SRGAP3: variants seen among roughly 807,000 people sequenced by gnomAD.
SRGAP3 encodes SLIT-ROBO Rho GTPase activating protein 3, also known as SLIT-ROBO Rho GTPase-activating protein 3.
Under a neutral mutation model 121.1 loss-of-function variants are expected in SRGAP3, and 39 were observed. The observed-to-expected ratio is 0.32, with a 90% CI of 0.25 to 0.42. SRGAP3 has a LOEUF of 0.42. SRGAP3 is among the 10% of genes least tolerant of loss of function. SRGAP3 has a pLI of 1.00. For synonymous variants in SRGAP3, 601 were observed against 570.0 expected (o/e 1.05, Z -0.77); for missense variants, 1,213 against 1,470.6 (o/e 0.82, Z 2.86).
At chr3:9,038,022 C>G in intron 11 of SRGAP3, 41 bp downstream of exon 11, 3 of 1,614,066 alleles carry the variant, frequency 1.9e-6, no homozygotes, top group Non-Finnish European at 2.5e-6. Context: ...ACTCCCACCT[C>G]GGGCAGCAGA....
At chr3:9,236,527 T>C (rs1025392410) in intron 1 of SRGAP3, among the ~76,000 whole-genome samples, 8 of 152,176 alleles carry the variant, frequency 5.3e-5, no homozygotes, top group Non-Finnish European at 2.9e-5. Context: ...GCTGTTCTCA[T>C]GATGGTGAGT....
At chr3:9,350,416 G>A (rs2030066591) in intron 1 of SRGAP3, among the ~76,000 whole-genome samples, 1 of 152,138 alleles carries the variant, frequency 6.6e-6, no homozygotes, top group Non-Finnish European at 1.5e-5. Context: ...TTTAGGGAGG[G>A]GAATGCAAAG....
intron 21 of SRGAP3, among the ~76,000 whole-genome samples, chr3:8,988,636 T>C (rs11929259): frequency 0.017 from 2,662 of 152,284 alleles, 74 homozygotes; most frequent in African/African-American, 0.059. Flanking sequence ...ATGCCCTGTT[T>C]TCTTTCTTGG....
rs540277282 is a variant in SRGAP3 at position 9,227,930 on chromosome 3, T to A, written c.67+20955A>T. Among the ~76,000 whole-genome samples, 4 of 152,266 alleles carry A rather than the reference T, an allele frequency of 2.6e-5. 1 individual carries two copies. The highest frequency in any genetic ancestry group is 9.6e-5 in the African/African-American group (4 of 41,566). ...TTACTGGAAGTAATGACAGGGAGTC[T>A]CCATGGTGAAGTTTGAAAGGATGAT... On this transcript the variant is annotated intron_variant, in intron 1 of 21. Coordinates refer to ENST00000383836, the MANE Select transcript of SRGAP3 (RefSeq NM_014850.4).
intron 21 of SRGAP3, among the ~76,000 whole-genome samples, chr3:8,986,269 G>C (rs1941700019): frequency 6.6e-6 from 1 of 152,156 alleles, no homozygotes; most frequent in Admixed American, 6.5e-5. Context: ...TGAGCCCCCA[G>C]AATCCTCATT....
intron 4 of SRGAP3, among the ~76,000 whole-genome samples, chr3:9,075,798 G>A (rs1288407550): frequency 6.6e-6 from 1 of 152,226 alleles, no homozygotes; most frequent in African/African-American, 2.4e-5. Flanking sequence ...GAGGGGGACT[G>A]TAGACTTGTA....
At chr3:9,269,062 C>T (rs534399798) in intron 3 of SRGAP3, among the ~76,000 whole-genome samples, 1 of 152,270 alleles carries the variant, frequency 6.6e-6, no homozygotes, top group African/African-American at 2.4e-5. Context: ...CGGAACACGC[C>T]CACTGTGTGA....
At chr3:9,329,081 G>A (rs1005015538) in intron 2 of SRGAP3, among the ~76,000 whole-genome samples, 1 of 152,048 alleles carries the variant, frequency 6.6e-6, no homozygotes, top group East Asian at 1.9e-4. Context: ...GAGTTTATGG[G>A]GTCCTAACCC....
chr3:8,994,123 A>C, intron 19 of SRGAP3: 1 of 634,690 alleles, frequency 1.6e-6, no homozygotes, highest in Non-Finnish European at 2.7e-6. Flanking sequence ...AGAGGCACCC[A>C]ACACCGTTTC....
At chr3:9,269,918 G>C (rs1954440604) in intron 3 of SRGAP3, among the ~76,000 whole-genome samples, 1 of 151,962 alleles carries the variant, frequency 6.6e-6, no homozygotes, top group Non-Finnish European at 1.5e-5. Context: ...AAGGAAGGAA[G>C]GAAGGAGGAA....
intron 1 of SRGAP3, among the ~76,000 whole-genome samples, chr3:9,195,384 C>T (rs1951885416): frequency 1.3e-5 from 2 of 152,144 alleles, no homozygotes; most frequent in African/African-American, 4.8e-5. Flanking sequence ...ACTGGTTTAC[C>T]CCCACTCCCA....
At chr3:9,361,846 G>C (rs2030865340) in intron 1 of SRGAP3, among the ~76,000 whole-genome samples, 1 of 152,172 alleles carries the variant, frequency 6.6e-6, no homozygotes, top group South Asian at 2.1e-4. Context: ...AGGACGTGCA[G>C]TGAGGGTTTT....
intron 2 of SRGAP3, among the ~76,000 whole-genome samples, chr3:9,111,723 C>A (rs1575090151): frequency 6.6e-6 from 1 of 152,162 alleles, no homozygotes; most frequent in South Asian, 2.1e-4. Context: ...GACCTGAGAT[C>A]CAGCTCTCTG....
At chr3:9,059,974 T>C (rs148336444) in intron 6 of SRGAP3, 7 of 485,018 alleles carry the variant, frequency 1.4e-5, no homozygotes, top group Admixed American at 3.2e-5. Flanking sequence ...GAAGTTGCCA[T>C]TGGATATACA....
intron 1 of SRGAP3, among the ~76,000 whole-genome samples, chr3:9,154,273 C>G (rs1950323108): frequency 6.7e-6 from 1 of 149,950 alleles, no homozygotes; most frequent in Admixed American, 6.6e-5. Flanking sequence ...CCCTCATCAC[C>G]AAACAGTGTT....
chr3:9,123,266 C>T (rs1021876645), intron 2 of SRGAP3, among the ~76,000 whole-genome samples: 10 of 151,788 alleles, frequency 6.6e-5, no homozygotes, highest in African/African-American at 2.4e-4. Context: ...TGGATGGTGG[C>T]GATGGTTGCA....
chr3:8,992,524 A>G (rs1942117794), intron 20 of SRGAP3: 1 of 388,298 alleles, frequency 2.6e-6, no homozygotes, highest in Admixed American at 3.9e-5. Flanking sequence ...GTTTCAGGGA[A>G]TATGTGAGCT....
chr3:9,354,288 C>A (rs1301393958), intron 1 of SRGAP3, among the ~76,000 whole-genome samples: 1 of 152,140 alleles, frequency 6.6e-6, no homozygotes, highest in African/African-American at 2.4e-5. Context: ...GCAGAAGTGG[C>A]TAACAGTCCT....
intron 1 of SRGAP3, among the ~76,000 whole-genome samples, chr3:9,226,636 G>A (rs1952997121): frequency 6.6e-6 from 1 of 152,180 alleles, no homozygotes; most frequent in Admixed American, 6.5e-5. Context: ...TTTTTCACAA[G>A]TGCTGCTGCT....
Sources: allele counts gnomAD v4.1 joint callset (sites outside exome capture counted in the v4.1 genomes callset), GRCh38; gene constraint gnomAD v4.1.1; transcripts MANE v1.5; gene names NCBI Gene and HGNC (gene_info 2026-07-23, HGNC 2026-07-21).